ZNF846: variants seen among roughly 807,000 people sequenced by gnomAD.
ZNF846 encodes the protein zinc finger protein 420 pseudogene.
A neutral mutation model predicts 16.0 loss-of-function variants in ZNF846; 15 were observed. The ratio of observed to expected loss-of-function variants is 0.94; its 90% CI spans 0.63 to 1.45. The LOEUF is 1.45. Ranked by LOEUF, ZNF846 falls within the 40% of genes most tolerant of loss-of-function variation. ZNF846 has a pLI of 0.00. For missense variants in ZNF846, 714 were observed against 622.3 expected (o/e 1.15, Z -1.57); for synonymous variants, 229 against 212.0 (o/e 1.08, Z -0.70).
downstream of ZNF846, among the ~76,000 whole-genome samples, chr19:9,754,428 G>C (rs2045113914): frequency 6.6e-6 from 1 of 151,178 alleles, no homozygotes; most frequent in East Asian, 1.9e-4. Flanking sequence ...GCTGGGCATG[G>C]TGGTGGGTGC....
downstream of ZNF846, among the ~76,000 whole-genome samples, chr19:9,751,633 C>A (rs1306100868): frequency 6.6e-6 from 1 of 152,060 alleles, no homozygotes; most frequent in Non-Finnish European, 1.5e-5. Context: ...ACCCTCCGCG[C>A]CCTTGTGAAT....
At chr19:9,763,768 C>G (rs138625264) in intron 2 of ZNF846, among the ~76,000 whole-genome samples, 24 of 152,328 alleles carry the variant, frequency 1.6e-4, no homozygotes, top group Non-Finnish European at 2.8e-4. Context: ...ATCTCCATCC[C>G]TTTCTTACAA....
At chr19:9,758,831 A>G (rs2045177463) in intron 5 of ZNF846, 67 bp from the exon 6 acceptor site, 7 of 1,189,672 alleles carry the variant, frequency 5.9e-6, no homozygotes, top group African/African-American at 1.6e-5. Flanking sequence ...TTTCTCCCCA[A>G]TCACAACATA....
chr19:9,774,401 G>C lies in ZNF846; in HGVS notation c.-85-9366C>G, dbSNP rs2045416115. The C allele has an allele frequency of 5.2e-6, 3 of 576,796 alleles. No individual in the cohort carries two copies. The African/African-American group carries it at 5.7e-5, about 11-fold the overall frequency. The allele number at this position is 576,796 out of a possible 1,614,324, so 35.7% of individuals were successfully genotyped here. Reference sequence around the variant, plus strand: ...GAGAATGGCGTGAACCCGGGAGGTGGAGCTTGCAGTGAACTGAGATTGCGC... The same window carrying C: ...GAGAATGGCGTGAACCCGGGAGGTGCAGCTTGCAGTGAACTGAGATTGCGC... On this transcript the variant is annotated intron_variant, in intron 1 of 4. Transcript: ENST00000586814.
chr19:9,751,503 C>A (rs999297209), downstream of ZNF846, among the ~76,000 whole-genome samples: 1 of 152,114 alleles, frequency 6.6e-6, no homozygotes, highest in Non-Finnish European at 1.5e-5. Context: ...TTGTGATATT[C>A]CTTGTCCTGT....
exon 6 of ZNF846, chr19:9,752,259 T>A (rs2045090115): frequency 5.9e-6 from 1 of 168,650 alleles, no homozygotes; most frequent in Admixed American, 6.2e-5. Flanking sequence ...CCACCTTTTT[T>A]ATCAGCTGGG....
chr19:9,754,563 T>TCAAAAAAAAA (rs776769152), downstream of ZNF846, among the ~76,000 whole-genome samples: 98 of 83,742 alleles, frequency 1.2e-3, 1 homozygote, highest in Middle Eastern at 5.0e-3. Context: ...AGACTCTGTC[T>TCAAAAAAAAA]TAAAAAAAAA....
At chr19:9,764,629 G>A (rs1007144260) in intron 2 of ZNF846, among the ~76,000 whole-genome samples, 21 of 152,180 alleles carry the variant, frequency 1.4e-4, no homozygotes, top group African/African-American at 5.1e-4. Context: ...CCAGAAGGCG[G>A]TGACCCCCCT....
chr19:9,783,536 AAAAAAAAAATATAT>A (rs1411215754), intron 1 of ZNF846, among the ~76,000 whole-genome samples: 1 of 108,364 alleles, frequency 9.2e-6, no homozygotes, highest in Non-Finnish European at 1.8e-5. Context: ...TAAAAAAAAA[AAAAAAAAAATATAT>A]ATATATATAT....
chr19:9,771,947 T>C (rs2045393567), upstream of ZNF846, among the ~76,000 whole-genome samples: 1 of 151,916 alleles, frequency 6.6e-6, no homozygotes. Flanking sequence ...TTTGTATTTT[T>C]AGTAGAGACG....
At position 9,759,960 on chromosome 19, in the gene ZNF846, A is replaced by G. The variant is rs1599385851; in HGVS notation, c.230-18T>C. 1 of 1,603,266 alleles carries G rather than the reference A, an allele frequency of 6.2e-7. No homozygotes were observed. The highest frequency in any genetic ancestry group is 2.2e-5 in the East Asian group (1 of 44,770). ...ATCCAATTCTGAAATAAAGTGAAAA[A>G]TGCAGCTTGGGAGAAAAATTGTGGA... On this transcript the variant is annotated intron_variant, in intron 4 of 5. Transcript: ENST00000397902.
intron 1 of ZNF846, among the ~76,000 whole-genome samples, chr19:9,779,587 T>G (rs576879866): frequency 6.6e-6 from 1 of 150,816 alleles, no homozygotes; most frequent in African/African-American, 2.4e-5. Context: ...TTTTTTTTTT[T>G]GAGGCCAAGT....
downstream of ZNF846, among the ~76,000 whole-genome samples, chr19:9,754,205 G>A (rs1376283869): frequency 6.6e-6 from 1 of 150,828 alleles, no homozygotes; most frequent in Non-Finnish European, 1.5e-5. Context: ...TTCTCTTTAG[G>A]TTACTATTTA....
At position 9,763,287 on chromosome 19, in the gene ZNF846, A is replaced by T. The variant is rs201115574; in HGVS notation, c.137T>A (p.Ile46Lys). The change falls in exon 3 of 6, where the codon ATA becomes AAA. Residue 46 changes from isoleucine to lysine, a missense_variant. Coordinates refer to ENST00000397902, the Ensembl canonical transcript of ZNF846. Reference sequence around the variant, plus strand: ...AGAAATGATGCCAGTTTTACCTAGTATAATGAGATTCTTGTAGTTCTCCAA... The same window carrying T: ...AGAAATGATGCCAGTTTTACCTAGTTTAATGAGATTCTTGTAGTTCTCCAA... 51 of 1,591,100 alleles carry T rather than the reference A, an allele frequency of 3.2e-5. No homozygotes were observed. In the African/African-American group the frequency reaches 6.2e-4, roughly 19 times the overall value.
exon 6 of ZNF846, chr19:9,758,293 C>T (rs759580975): frequency 1.2e-6 from 2 of 1,613,460 alleles, no homozygotes; most frequent in Non-Finnish European, 1.7e-6. Flanking sequence ...TGAGTGAAAG[C>T]TTTACCACAT....
chr19:9,776,469 C>G (rs1287405017), intron 1 of ZNF846, among the ~76,000 whole-genome samples: 3 of 152,260 alleles, frequency 2.0e-5, no homozygotes, highest in Non-Finnish European at 4.4e-5. Context: ...TCTCCTCTCC[C>G]TCTCTGCCTC....
At chr19:9,779,147 T>C (rs547356810) in intron 1 of ZNF846, among the ~76,000 whole-genome samples, 3 of 152,318 alleles carry the variant, frequency 2.0e-5, no homozygotes, top group African/African-American at 7.2e-5. Flanking sequence ...AGAATGCTCA[T>C]GTGAGACGAT....
At chr19:9,763,915 T>C (rs1220783237) in intron 2 of ZNF846, among the ~76,000 whole-genome samples, 1 of 152,222 alleles carries the variant, frequency 6.6e-6, no homozygotes, top group African/African-American at 2.4e-5. Flanking sequence ...AAAGATGAAA[T>C]GCTCCTGATT....
intron 3 of ZNF846, 148 bp from the exon 4 acceptor site, chr19:9,762,316 A>G (rs2045244376): frequency 3.2e-6 from 2 of 632,186 alleles, no homozygotes; most frequent in Admixed American, 5.6e-5. Context: ...AACATTTCCA[A>G]TACATGCACT....
Sources: allele counts gnomAD v4.1 joint callset (sites outside exome capture counted in the v4.1 genomes callset), GRCh38; gene constraint gnomAD v4.1.1; transcripts MANE v1.5; gene names NCBI Gene and HGNC (gene_info 2026-07-23, HGNC 2026-07-21).